The following CYP7A1 variants were observed in gnomAD, a reference collection of about 807,000 sequenced individuals.
CYP7A1 encodes cytochrome P450 family 7 subfamily A member 1.
In CYP7A1, 28 loss-of-function variants were observed where a neutral mutation model predicts 43.8. The observed-to-expected ratio is 0.64, with a 90% CI of 0.47 to 0.88. The LOEUF (loss-of-function observed/expected upper bound fraction) is 0.88. CYP7A1 is among the 40% of genes least tolerant of loss of function. CYP7A1 has a pLI of 0.00. For synonymous variants in CYP7A1, 227 were observed against 222.5 expected (o/e 1.02, Z -0.18); for missense variants, 637 against 611.9 (o/e 1.04, Z -0.43).
intron 4 of CYP7A1, 78 bp downstream of exon 4, chr8:58,494,428 G>A (rs937515892): frequency 1.2e-5 from 17 of 1,466,658 alleles, no homozygotes; most frequent in Middle Eastern, 3.4e-4. Flanking sequence ...AATTCGGTAA[G>A]TATATAATTT....
At position 58,490,531 on chromosome 8, in the gene CYP7A1, A is replaced by G. The variant is rs560031004; in HGVS notation, c.*944T>C. ...TTCCATCCAGTTTTAACTTTAAAAC[A>G]TATCACATAAAAGCTACATTTTTTC... is the stretch of plus-strand genomic sequence containing the variant. On this transcript the variant is annotated 3_prime_UTR_variant, in exon 6 of 6. Coordinates refer to ENST00000301645, the MANE Select transcript of CYP7A1 (RefSeq NM_000780.4). 3 of 152,362 alleles carry G rather than the reference A, an allele frequency of 2.0e-5. No homozygotes were observed. The highest frequency in any genetic ancestry group is 4.1e-4 in the South Asian group (2 of 4,830). The allele number at this position is 152,362 out of a possible 1,614,324, so 9.4% of individuals were successfully genotyped here. A position where few individuals can be genotyped will look rare whatever the true frequency, so the allele number is the denominator to read the frequency against.
intron 3 of CYP7A1, 132 bp downstream of exon 3, chr8:58,496,472 A>T: frequency 1.5e-6 from 1 of 681,918 alleles, no homozygotes; most frequent in South Asian, 1.8e-5. Flanking sequence ...TTAAACACTA[A>T]CATGCATTAG....
chr8:58,496,086 G>A (rs1485048225), intron 3 of CYP7A1, among the ~76,000 whole-genome samples: 2 of 152,296 alleles, frequency 1.3e-5, no homozygotes, highest in East Asian at 3.9e-4. Context: ...GATTATGATT[G>A]ATTCATAGCT....
chr8:58,498,264 CA>C lies in CYP7A1; in HGVS notation c.285del (p.Phe95LeufsTer31). 6.2e-7 allele frequency: 1 copy of C among 1,614,010 alleles called. No homozygotes were observed. Among genetic ancestry groups the C allele is most frequent in the Non-Finnish European group, 8.5e-7 (1 of 1,179,978 alleles). ...YHKVLCHGKYFDWKKFHFATS... is the reference protein window; with the variant it reads ...YHKVLCHGKYXDWKKFHFATS... ...GTAGCAAAGTGAAATTTTTTCCAAT[CA>C]AAATATTTTCCGTGGCACAACACCT... On this transcript the variant is annotated frameshift_variant, in exon 2 of 6. Coordinates refer to ENST00000301645, the MANE Select transcript of CYP7A1 (RefSeq NM_000780.4). LOFTEE classifies it high-confidence loss of function.
chr8:58,499,901 T>C, intron 1 of CYP7A1, 118 bp downstream of exon 1: 1 of 716,666 alleles, frequency 1.4e-6, no homozygotes, highest in Non-Finnish European at 2.4e-6. Context: ...ATTTAAAAAA[T>C]AAGGAAGATA....
At chr8:58,496,277 G>A (rs1809440801) in intron 3 of CYP7A1, among the ~76,000 whole-genome samples, 1 of 152,196 alleles carries the variant, frequency 6.6e-6, no homozygotes, top group Non-Finnish European at 1.5e-5. Flanking sequence ...GCGTCGTGAA[G>A]AACAGTATGG....
At chr8:58,497,258 A>G in intron 2 of CYP7A1, 68 bp from the exon 3 acceptor site, 1 of 1,299,474 alleles carries the variant, frequency 7.7e-7, no homozygotes, top group Non-Finnish European at 1.1e-6. Flanking sequence ...TGACTGAAAA[A>G]CGGATTAGAT....
At chr8:58,499,891 A>C (rs1419803075) in intron 1 of CYP7A1, 128 bp downstream of exon 1, 1 of 680,166 alleles carries the variant, frequency 1.5e-6, no homozygotes, top group Non-Finnish European at 2.6e-6. Context: ...CAAATTTTTC[A>C]TTTAAAAAAT....
chr8:58,498,053 T>C lies in CYP7A1; in HGVS notation c.321+176A>G, dbSNP rs13271039. Among the ~76,000 whole-genome samples the C allele has an allele frequency of 4.6e-3, 707 of 152,350 alleles. 3 individuals carry two copies. Among genetic ancestry groups the C allele is most frequent in the Non-Finnish European group, 8.4e-3 (573 of 68,038 alleles). On this transcript the variant is annotated intron_variant, in intron 2 of 5. Transcript: ENST00000301645. ...TCTATACCTATTTTGACTTTCTAAA[T>C]GATTATTACTAAGAAGCTACGTATA...
rs2129605891 is a variant in CYP7A1, at chr8:58,497,129, G to A, written c.383C>T (p.Thr128Ile). Residue 128 changes from threonine to isoleucine, a missense_variant, in exon 3 of 6, where the codon ACT becomes ATT. By Grantham distance (89) the Thr-to-Ile change is moderately conservative (BLOSUM62 -1). Transcript: ENST00000301645. ...DGNTTENIND[T>I]FIKTLQGHAL... is the part of the protein sequence containing the mutation. ...ATGGCCCTGCAGGGTTTTGATGAAA[G>A]TGTCGTTTATGTTTTCAGTGGTATT... is the stretch of plus-strand genomic sequence containing the variant. 6.3e-7 allele frequency: 1 copy of A among 1,599,892 alleles called. No homozygotes were observed. The highest frequency in any genetic ancestry group is 1.7e-5 in the Admixed American group (1 of 60,026).
intron 3 of CYP7A1, among the ~76,000 whole-genome samples, chr8:58,495,429 C>A (rs561020963): frequency 6.6e-6 from 1 of 151,882 alleles, no homozygotes; most frequent in Admixed American, 6.6e-5. Flanking sequence ...GGGGTTTCAC[C>A]GTGTTAGCCA....
Position 58,496,731 on chromosome 8 carries a change from T to A in CYP7A1, c.781A>T (p.Met261Leu). Residue 261 changes from methionine to leucine, a missense_variant, in exon 3 of 6, where the codon ATG becomes TTG. Coordinates refer to ENST00000301645, the MANE Select transcript of CYP7A1 (RefSeq NM_000780.4). ...ESISELISLR[M>L]FLNDTLSTFD... Reference sequence around the variant, plus strand: ...GTGGACAAAGTGTCATTGAGAAACATGCGCAGGCTGATCAGTTCTGAGATG... The same window carrying A: ...GTGGACAAAGTGTCATTGAGAAACAAGCGCAGGCTGATCAGTTCTGAGATG... 1 of 1,614,174 alleles carries A rather than the reference T, an allele frequency of 6.2e-7. No homozygotes were observed. Among genetic ancestry groups the A allele is most frequent in the Non-Finnish European group, 8.5e-7 (1 of 1,180,026 alleles).
At position 58,498,167 on chromosome 8, in the gene CYP7A1, T is replaced by C. The variant is rs1221269539; in HGVS notation, c.321+62A>G. 3.1e-6 allele frequency: 5 copies of C among 1,591,976 alleles called. No homozygotes were observed. The African/African-American group carries it at 5.4e-5, about 17-fold the overall frequency. ...ATCTAAGTACATCAAAATTTCTAAA[T>C]AGACAAGCACATAAAAAGGTAGAAG... On this transcript the variant is annotated intron_variant, in intron 2 of 5. Transcript: ENST00000301645.
chr8:58,499,939 C>A (rs1172018202), intron 1 of CYP7A1, 80 bp downstream of exon 1: 2 of 1,193,440 alleles, frequency 1.7e-6, no homozygotes, highest in Middle Eastern at 2.0e-4. Flanking sequence ...TATAGAAAAC[C>A]AAATTTACTG....
At chr8:58,494,749 C>T (rs2129605834) in intron 3 of CYP7A1, 113 bp from the exon 4 acceptor site, 3 of 989,322 alleles carry the variant, frequency 3.0e-6, no homozygotes, top group Non-Finnish European at 4.7e-6. Flanking sequence ...GGTGAAGATA[C>T]CAGGGGAGGA....
Position 58,498,326 on chromosome 8 carries a change from T to C in CYP7A1, c.224A>G (p.Tyr75Cys), listed in dbSNP as rs377254635. 3.5e-5 allele frequency: 56 copies of C among 1,614,040 alleles called. No individual in the cohort carries two copies. Among genetic ancestry groups the C allele is most frequent in the Non-Finnish European group, 4.5e-5 (53 of 1,180,000 alleles). ...CAAGGGATTTGTGATGAAATGGACA[T>C]ATTTTCCCATTAGTTTGCAGGTAAA... ...HVFTCKLMGK[Y>C]VHFITNPLSY... Residue 75 changes from tyrosine (Y) to cysteine (C), a missense_variant, in exon 2 of 6, where the codon TAT becomes TGT. Coordinates refer to ENST00000301645, the MANE Select transcript of CYP7A1 (RefSeq NM_000780.4).
chr8:58,498,400 G>A lies in CYP7A1; in HGVS notation c.150C>T (p.Ala50=). ...PYLGCALQFG[A]NPLEFLRANQ... Reference sequence around the variant, plus strand: ...TTGCTCTGAGGAACTCAAGAGGATTGGCACCAAATTGCAGAGCACAGCCCA... The same window carrying A: ...TTGCTCTGAGGAACTCAAGAGGATTAGCACCAAATTGCAGAGCACAGCCCA... Residue 50 remains alanine, a synonymous_variant, in exon 2 of 6, where the codon GCC becomes GCT. Transcript: ENST00000301645. 15 of 1,614,090 alleles carry A rather than the reference G, an allele frequency of 9.3e-6. No homozygotes were observed. The highest frequency in any genetic ancestry group is 1.2e-5 in the Non-Finnish European group (14 of 1,179,982).
At chr8:58,494,834 T>C (rs1411317883) in intron 3 of CYP7A1, among the ~76,000 whole-genome samples, 198 bp from the exon 4 acceptor site, 1 of 152,208 alleles carries the variant, frequency 6.6e-6, no homozygotes, top group East Asian at 1.9e-4. Flanking sequence ...GTAAGAATTG[T>C]TGCCTTAAAA....
In CYP7A1 at chr8:58,491,462, T is replaced by G. The variant is rs778327081; in HGVS notation, c.*13A>C. ...GTAATATCATCTAGTGTCCTCTTAT[T>G]CCAGCCATGTATTCACAAATGCTTG... On this transcript the variant is annotated 3_prime_UTR_variant, in exon 6 of 6. Coordinates refer to ENST00000301645, the MANE Select transcript of CYP7A1 (RefSeq NM_000780.4). 2 of 1,612,660 alleles carry G rather than the reference T, an allele frequency of 1.2e-6. No homozygotes were observed. Among genetic ancestry groups the G allele is most frequent in the Non-Finnish European group, 1.7e-6 (2 of 1,179,018 alleles).
Sources: allele counts gnomAD v4.1 joint callset (sites outside exome capture counted in the v4.1 genomes callset), GRCh38; gene constraint gnomAD v4.1.1; transcripts MANE v1.5; gene names NCBI Gene and HGNC (gene_info 2026-07-23, HGNC 2026-07-21).